Variants in NDUFV2 observed in about 807,000 individuals in gnomAD.
The protein encoded by NDUFV2 is NADH dehydrogenase [ubiquinone] flavoprotein 2, mitochondrial.
Under a neutral mutation model 31.6 loss-of-function variants are expected in NDUFV2, and 18 were observed. The ratio of observed to expected loss-of-function variants is 0.57; its 90% CI spans 0.39 to 0.84. The LOEUF (loss-of-function observed/expected upper bound fraction) is 0.84, where lower values mean the gene tolerates loss of function less well. Among genes scored for constraint, NDUFV2 ranks in the 40% least tolerant of loss-of-function variants. NDUFV2 has a pLI of 0.00. For synonymous variants in NDUFV2, 83 were observed against 99.8 expected (o/e 0.83, Z 1.01); for missense variants, 314 against 303.6 (o/e 1.03, Z -0.26).
At chr18:9,113,204 T>C (rs1230636176) in intron 1 of NDUFV2, among the ~76,000 whole-genome samples, 1 of 152,204 alleles carries the variant, frequency 6.6e-6, no homozygotes, top group Non-Finnish European at 1.5e-5. Context: ...TCATGGAAAG[T>C]GTTTAATATT....
intron 1 of NDUFV2, among the ~76,000 whole-genome samples, chr18:9,111,025 G>A (rs1016644444): frequency 3.9e-5 from 6 of 151,986 alleles, no homozygotes; most frequent in African/African-American, 1.5e-4. Context: ...AAGGAGGCAG[G>A]GCTTTTCATT....
intron 1 of NDUFV2, among the ~76,000 whole-genome samples, chr18:9,115,234 C>T (rs1340384647): frequency 6.6e-6 from 1 of 152,056 alleles, no homozygotes; most frequent in African/African-American, 2.4e-5. Flanking sequence ...AAGAGATAAG[C>T]ACTTTTAATT....
At chr18:9,108,417 T>G (rs2144729938) in intron 1 of NDUFV2, among the ~76,000 whole-genome samples, 1 of 152,358 alleles carries the variant, frequency 6.6e-6, no homozygotes, top group East Asian at 1.9e-4. Flanking sequence ...ATGTGGCATT[T>G]CATTTATTTA....
chr18:9,115,320 T>G (rs1226696865), intron 1 of NDUFV2, among the ~76,000 whole-genome samples: 1 of 152,230 alleles, frequency 6.6e-6, no homozygotes, highest in Non-Finnish European at 1.5e-5. Context: ...ATTTTTGTTT[T>G]TTTTGTTTTG....
chr18:9,103,336 ACT>A (rs1446077998), intron 1 of NDUFV2: 4 of 391,626 alleles, frequency 1.0e-5, no homozygotes, highest in African/African-American at 2.1e-5. Flanking sequence ...TATCAAACTA[ACT>A]CTGAAAGAAC....
intron 1 of NDUFV2, chr18:9,104,951 A>G (rs1233394601): frequency 6.4e-7 from 1 of 1,554,086 alleles, no homozygotes; most frequent in Admixed American, 1.8e-5. Flanking sequence ...CAGACCTTAC[A>G]GACAATTTGT....
Position 9,124,931 on chromosome 18 carries a change from G to C in NDUFV2, c.527G>C (p.Cys176Ser). The part of the protein sequence containing the change: ...DKLFTLIEVE[C>S]LGACVNAPMV... ...CTTTTCACTCTTATAGAAGTGGAATGTTTAGGGGCCTGTGTGAACGCACCA... is the reference window on the plus strand; with the variant it reads ...CTTTTCACTCTTATAGAAGTGGAATCTTTAGGGGCCTGTGTGAACGCACCA... Residue 176 changes from cysteine (C) to serine (S), a missense_variant, in exon 6 of 8, where the codon TGT becomes TCT. Cys to Ser is a moderately radical substitution (Grantham distance 112). Transcript: ENST00000318388. 1 of 1,613,496 alleles carries C rather than the reference G, an allele frequency of 6.2e-7. No homozygotes were observed. Among genetic ancestry groups the C allele is most frequent in the Non-Finnish European group, 8.5e-7 (1 of 1,179,722 alleles).
At chr18:9,106,006 T>C (rs1439054502) in intron 1 of NDUFV2, among the ~76,000 whole-genome samples, 2 of 152,204 alleles carry the variant, frequency 1.3e-5, no homozygotes, top group East Asian at 3.8e-4. Context: ...AGGCTCTAGA[T>C]CCTGTTTTAT....
chr18:9,104,865 C>T, intron 1 of NDUFV2: 2 of 1,422,694 alleles, frequency 1.4e-6, no homozygotes, highest in East Asian at 2.5e-5. Context: ...GTAGAGTAAG[C>T]TCAAAAAATA....
chr18:9,120,971 G>C (rs971084642), intron 4 of NDUFV2, among the ~76,000 whole-genome samples: 1 of 152,084 alleles, frequency 6.6e-6, no homozygotes, highest in Non-Finnish European at 1.5e-5. Flanking sequence ...TAAAAAATAA[G>C]ACAGGCATGG....
intron 1 of NDUFV2, 47 bp downstream of exon 1, chr18:9,102,844 G>A (rs1468385839): frequency 1.3e-6 from 2 of 1,526,870 alleles, no homozygotes; most frequent in South Asian, 1.2e-5. Flanking sequence ...CCCTTCTCTT[G>A]CTCTCCGTGT....
At chr18:9,113,901 C>T (rs2077884006) in intron 1 of NDUFV2, among the ~76,000 whole-genome samples, 1 of 152,172 alleles carries the variant, frequency 6.6e-6, no homozygotes, top group African/African-American at 2.4e-5. Context: ...TGAATAAAGC[C>T]CTTCCTTCTC....
intron 1 of NDUFV2, among the ~76,000 whole-genome samples, chr18:9,107,217 G>A (rs2077846384): frequency 6.6e-6 from 1 of 152,276 alleles, no homozygotes; most frequent in Admixed American, 6.5e-5. Flanking sequence ...TGCAGACTCG[G>A]ATCTTTTTAT....
chr18:9,133,819 A>G (rs2078061144), intron 7 of NDUFV2, among the ~76,000 whole-genome samples: 1 of 152,158 alleles, frequency 6.6e-6, no homozygotes, highest in Non-Finnish European at 1.5e-5. Flanking sequence ...CTTTGCTTTG[A>G]TTCTTGGGTA....
At chr18:9,113,054 A>G (rs989197045) in intron 1 of NDUFV2, among the ~76,000 whole-genome samples, 3 of 152,230 alleles carry the variant, frequency 2.0e-5, no homozygotes, top group Non-Finnish European at 2.9e-5. Flanking sequence ...TGGAGAGACA[A>G]TACAACAAAA....
chr18:9,104,445 A>C (rs749063271), intron 1 of NDUFV2, among the ~76,000 whole-genome samples: 4 of 152,226 alleles, frequency 2.6e-5, no homozygotes, highest in Non-Finnish European at 5.9e-5. Context: ...GACTAAGTAG[A>C]TAAGAGGCTC....
At chr18:9,105,779 C>G (rs2077838685) in intron 1 of NDUFV2, among the ~76,000 whole-genome samples, 1 of 152,160 alleles carries the variant, frequency 6.6e-6, no homozygotes. Context: ...GCAAGACAGG[C>G]AATTGTAAGT....
intron 7 of NDUFV2, among the ~76,000 whole-genome samples, chr18:9,130,108 G>A (rs1007543141): frequency 7.2e-5 from 11 of 152,144 alleles, no homozygotes; most frequent in Non-Finnish European, 5.9e-5. Flanking sequence ...AGGTAGATAC[G>A]AACCTGGAAT....
In NDUFV2 at chr18:9,102,953, C is replaced by G. The variant is rs182405633; in HGVS notation, c.54+156C>G. Reference sequence around the variant, plus strand: ...CTTAGCCCTCTTAGGGAGGCCGCTGCAGCCCCACCGTGAGAAGCCCCGAGG... The same window carrying G: ...CTTAGCCCTCTTAGGGAGGCCGCTGGAGCCCCACCGTGAGAAGCCCCGAGG... On this transcript the variant is annotated intron_variant, in intron 1 of 7. Transcript: ENST00000318388. The G allele has an allele frequency of 4.4e-5, 30 of 674,556 alleles. No homozygotes were observed. In the East Asian group the frequency reaches 8.8e-4, roughly 20 times the overall value. 41.8% of individuals were successfully genotyped at this position (674,556 alleles called of 1,614,324 possible).
Sources: allele counts gnomAD v4.1 joint callset (sites outside exome capture counted in the v4.1 genomes callset), GRCh38; gene constraint gnomAD v4.1.1; transcripts MANE v1.5; gene names NCBI Gene and HGNC (gene_info 2026-07-23, HGNC 2026-07-21).